Variants in SOX5 observed in about 807,000 individuals in gnomAD.
SOX5 encodes the protein SRY-box transcription factor 5, also known as transcription factor SOX-5.
In SOX5, 9 loss-of-function variants were observed where a neutral mutation model predicts 92.0. That is an observed-to-expected ratio of 0.10 (90% confidence interval 0.06 to 0.17). The LOEUF (loss-of-function observed/expected upper bound fraction) is 0.17, where lower values mean the gene tolerates loss of function less well. Among genes scored for constraint, SOX5 ranks in the 10% least tolerant of loss-of-function variants. The pLI is 1.00. For missense variants in SOX5, 642 were observed against 944.5 expected, an observed-to-expected ratio of 0.68 and a Z score of 4.20; for synonymous variants, 344 against 336.3, an observed-to-expected ratio of 1.02 and a Z score of -0.25.
intron 4 of SOX5, among the ~76,000 whole-genome samples, chr12:24,045,978 C>A (rs555168649): frequency 7.9e-5 from 12 of 152,194 alleles, no homozygotes; most frequent in African/African-American, 2.7e-4. Context: ...GTGGTCATGT[C>A]TATCCCAAGC....
At chr12:24,280,913 T>C (rs1452807224) in intron 2 of SOX5, among the ~76,000 whole-genome samples, 1 of 150,722 alleles carries the variant, frequency 6.6e-6, no homozygotes, top group Admixed American at 6.6e-5. Context: ...TTTTATGATA[T>C]CAAATATAGG....
intron 4 of SOX5, among the ~76,000 whole-genome samples, chr12:23,746,763 T>C (rs764717305): frequency 5.9e-5 from 9 of 152,096 alleles, no homozygotes; most frequent in Non-Finnish European, 1.0e-4. Flanking sequence ...TGATCTCATA[T>C]GGTTTGGCTG....
chr12:23,664,300 T>G (rs2083468358), intron 7 of SOX5, among the ~76,000 whole-genome samples: 1 of 147,458 alleles, frequency 6.8e-6, no homozygotes, highest in African/African-American at 2.5e-5. Context: ...CATAACAAGA[T>G]GTTAATGGCA....
At chr12:24,109,694 A>G (rs781264199) in intron 4 of SOX5, among the ~76,000 whole-genome samples, 25 of 152,190 alleles carry the variant, frequency 1.6e-4, no homozygotes, top group Admixed American at 9.2e-4. Flanking sequence ...ACTTAATAGC[A>G]CAAAGAAGAA....
chr12:23,771,054 G>A (rs1247831827), intron 3 of SOX5, among the ~76,000 whole-genome samples: 1 of 151,954 alleles, frequency 6.6e-6, no homozygotes, highest in East Asian at 1.9e-4. Context: ...CCATTTTTGT[G>A]AATCAGATTA....
At position 24,072,799 on chromosome 12, in the gene SOX5, T is replaced by C. The variant is rs866957678; in HGVS notation, c.-2+140544A>G. On this transcript the variant is annotated intron_variant, in intron 4 of 4. Coordinates refer to the SOX5 transcript ENST00000446891. ...ATAAAAATATCACTTCATGGTATAA[T>C]GATTGCATTGTTTCTGTTTTGAATG... 5.3e-5 allele frequency among the ~76,000 whole-genome samples: 8 copies of C among 152,358 alleles called. 1 individual carries two copies. In the Middle Eastern group the frequency reaches 0.01, roughly 194 times the overall value.
At chr12:24,439,922 A>T (rs1450910445) in intron 1 of SOX5, among the ~76,000 whole-genome samples, 1 of 152,078 alleles carries the variant, frequency 6.6e-6, no homozygotes, top group Admixed American at 6.5e-5. Flanking sequence ...GGAAAATCTC[A>T]TTGCTAGACA....
At chr12:24,112,510 C>CT (rs1389499516) in intron 4 of SOX5, among the ~76,000 whole-genome samples, 1 of 134,662 alleles carries the variant, frequency 7.4e-6, no homozygotes, top group African/African-American at 2.7e-5. Context: ...TACAGAACAA[C>CT]TTCAAGGTTC....
intron 1 of SOX5, among the ~76,000 whole-genome samples, chr12:24,521,623 AT>A (rs1452083744): frequency 6.6e-6 from 1 of 152,216 alleles, no homozygotes; most frequent in Non-Finnish European, 1.5e-5. Flanking sequence ...TTTAATCATA[AT>A]GGAGTGAAAT....
intron 2 of SOX5, among the ~76,000 whole-genome samples, chr12:24,278,519 C>A (rs1944765361): frequency 1.3e-5 from 2 of 152,088 alleles, no homozygotes; most frequent in South Asian, 4.1e-4. Context: ...TCAAGACTAG[C>A]ATGGGCAACA....
chr12:24,221,397 C>A (rs1960389149), intron 3 of SOX5, among the ~76,000 whole-genome samples: 1 of 152,150 alleles, frequency 6.6e-6, no homozygotes, highest in Admixed American at 6.5e-5. Flanking sequence ...TAAAACAGAG[C>A]CCGACTTCAA....
chr12:23,811,077 A>G (rs113212019), intron 3 of SOX5, among the ~76,000 whole-genome samples: 195 of 152,286 alleles, frequency 1.3e-3, no homozygotes, highest in African/African-American at 4.4e-3. Context: ...GTTTTCCTCA[A>G]AAGATGCTTG....
intron 3 of SOX5, among the ~76,000 whole-genome samples, chr12:24,268,114 C>G (rs17498521): frequency 0.15 from 22,538 of 152,086 alleles, 1,795 homozygotes; most frequent in Middle Eastern, 0.18. Flanking sequence ...AGTTGATGTA[C>G]GTTTTGAAAT....
At chr12:23,659,095 A>G (rs2082691220) in intron 7 of SOX5, among the ~76,000 whole-genome samples, 1 of 152,156 alleles carries the variant, frequency 6.6e-6, no homozygotes. Flanking sequence ...CTCATCACCA[A>G]TAACCTGTAT....
chr12:24,060,352 C>T (rs1498877), intron 4 of SOX5, among the ~76,000 whole-genome samples: 29,764 of 152,126 alleles, frequency 0.2, 3,223 homozygotes, highest in Middle Eastern at 0.33. Flanking sequence ...CACCTATGCG[C>T]TTGTACTGCA....
intron 4 of SOX5, among the ~76,000 whole-genome samples, chr12:23,750,144 C>T (rs2094137286): frequency 6.6e-6 from 1 of 151,838 alleles, no homozygotes; most frequent in Admixed American, 6.6e-5. Context: ...TAAAAAAACA[C>T]AGGCCTTAAA....
chr12:24,304,068 C>T (rs1016399107), intron 2 of SOX5, among the ~76,000 whole-genome samples: 6 of 151,972 alleles, frequency 3.9e-5, no homozygotes, highest in Admixed American at 2.0e-4. Flanking sequence ...TATGTCAGAA[C>T]GTAACATAAT....
In SOX5 at chr12:24,303,904, C is replaced by CT. The variant is rs199723463; in HGVS notation, c.-173-26593dup. ...AGAAAATTCTGTCAATTAACTTATT[C>CT]TTTTTTTTTGAAAATTGGGGAAAGA... is the stretch of plus-strand genomic sequence containing the variant. On this transcript the variant is annotated intron_variant, in intron 2 of 4. Transcript: ENST00000446891. 5.5e-4 allele frequency among the ~76,000 whole-genome samples: 84 copies of CT among 151,384 alleles called. 1 individual carries two copies. Among genetic ancestry groups the CT allele is most frequent in the South Asian group, 1.3e-3 (6 of 4,776 alleles).
intron 3 of SOX5, among the ~76,000 whole-genome samples, chr12:24,265,031 G>A (rs1166875363): frequency 6.6e-6 from 1 of 152,194 alleles, no homozygotes; most frequent in Non-Finnish European, 1.5e-5. Context: ...TCCAGAAGCA[G>A]TGTGTCCCCC....
Sources: allele counts gnomAD v4.1 joint callset (sites outside exome capture counted in the v4.1 genomes callset), GRCh38; gene constraint gnomAD v4.1.1; transcripts MANE v1.5; gene names NCBI Gene and HGNC (gene_info 2026-07-23, HGNC 2026-07-21).